Variants in VWA3A observed in about 807,000 individuals in gnomAD.
The protein encoded by VWA3A is von Willebrand factor A domain-containing protein 3A.
VWA3A carries 134 observed loss-of-function variants against 160.4 expected under a neutral mutation model. The observed-to-expected ratio is 0.84, with a 90% CI of 0.73 to 0.96. The LOEUF is 0.96. Ranked by LOEUF, VWA3A falls within the 40% of genes least tolerant of loss-of-function variation. The pLI, the probability that VWA3A is intolerant of heterozygous loss-of-function variation, is 0.00. For synonymous variants in VWA3A, 476 were observed against 543.4 expected (o/e 0.88, Z 1.72); for missense variants, 1,310 against 1,447.9 (o/e 0.90, Z 1.55).
At position 22,152,653 on chromosome 16, in the gene VWA3A, G is replaced by T; in HGVS notation, c.3405+19G>T. The T allele has an allele frequency of 6.3e-7, 1 of 1,592,668 alleles. No homozygotes were observed. The highest frequency in any genetic ancestry group is 1.1e-5 in the South Asian group (1 of 87,600). ...TGAAAAGGTAGGTTGCAGAGCCACT[G>T]AGCATGAGGTCTGTTGAAACGGCTC... On this transcript the variant is annotated intron_variant, in intron 31 of 33. Transcript: ENST00000389398.
At position 22,097,471 on chromosome 16, in the gene VWA3A, C is replaced by T; in HGVS notation, c.102-101C>T. The T allele has an allele frequency of 9.7e-6, 14 of 1,444,044 alleles. No homozygotes were observed. In the South Asian group the frequency reaches 2.0e-4, roughly 20 times the overall value. The allele number at this position is 1,444,044 out of a possible 1,614,324, so 89.5% of individuals were successfully genotyped here. A position where few individuals can be genotyped will look rare whatever the true frequency, so the allele number is the denominator to read the frequency against. On this transcript the variant is annotated intron_variant, in intron 2 of 33. Transcript: ENST00000389398. ...TCAGTTACTGCACAGAAAAATGTTT[C>T]TAGAATCCTTGTAGGGACTAGGGCA...
chr16:22,135,290 CT>C (rs1177166219), intron 21 of VWA3A, among the ~76,000 whole-genome samples: 2 of 152,132 alleles, frequency 1.3e-5, no homozygotes, highest in Non-Finnish European at 2.9e-5. Flanking sequence ...CATTCCTTGG[CT>C]TGAGGAGCAT....
At chr16:22,134,136 T>A (rs982071331) in intron 20 of VWA3A, among the ~76,000 whole-genome samples, 7 of 152,088 alleles carry the variant, frequency 4.6e-5, no homozygotes, top group African/African-American at 7.2e-5. Flanking sequence ...GTTAATTTTT[T>A]AAATTTTTTT....
At chr16:22,146,904 T>C (rs993044785) in intron 27 of VWA3A, among the ~76,000 whole-genome samples, 1 of 152,198 alleles carries the variant, frequency 6.6e-6, no homozygotes, top group Non-Finnish European at 1.5e-5. Flanking sequence ...CTGCCACACC[T>C]TGCCTTCCTG....
chr16:22,103,458 T>C lies in VWA3A; in HGVS notation c.429-17T>C, dbSNP rs1375000628. ...GACGCTGGCCTTGGGTGATGAGTCT[T>C]TCTGATGTCTTGACAGCACTATTGA... On this transcript the variant is annotated splice_polypyrimidine_tract_variant and intron_variant, in intron 5 of 33. Coordinates refer to ENST00000389398, the MANE Select transcript of VWA3A (RefSeq NM_173615.5). The C allele has an allele frequency of 1.3e-6, 2 of 1,551,454 alleles. No homozygotes were observed. The highest frequency in any genetic ancestry group is 2.7e-5 in the African/African-American group (2 of 73,144).
At chr16:22,139,368 C>A (rs936477438) in intron 22 of VWA3A, among the ~76,000 whole-genome samples, 1 of 152,168 alleles carries the variant, frequency 6.6e-6, no homozygotes, top group African/African-American at 2.4e-5. Context: ...ACACTCCAGT[C>A]GTGGCTGAGA....
chr16:22,115,879 A>AAGGAAGGAAGGAAGGAAGGAAGGAAGGG (rs2045625205), intron 9 of VWA3A, among the ~76,000 whole-genome samples: 1 of 23,728 alleles, frequency 4.2e-5, no homozygotes, highest in Non-Finnish European at 6.5e-5. Context: ...GGAAGGAAGG[A>AAGGAAGGAAGGAAGGAAGGAAGGAAGGG]AGGAAGGAAG....
intron 6 of VWA3A, among the ~76,000 whole-genome samples, chr16:22,109,141 A>T (rs1038014541): frequency 2.0e-5 from 3 of 152,242 alleles, no homozygotes; most frequent in African/African-American, 7.2e-5. Context: ...CAGATAAGCT[A>T]ATATAAATAG....
intron 27 of VWA3A, among the ~76,000 whole-genome samples, chr16:22,147,858 C>CT (rs781549115): frequency 2.0e-5 from 3 of 152,202 alleles, no homozygotes; most frequent in Non-Finnish European, 2.9e-5. Context: ...AATCACTTAA[C>CT]TTTAAGGATA....
At chr16:22,145,365 G>T (rs1382028351) in intron 26 of VWA3A, among the ~76,000 whole-genome samples, 2 of 152,084 alleles carry the variant, frequency 1.3e-5, no homozygotes, top group Non-Finnish European at 2.9e-5. Context: ...TTGGCCAGAC[G>T]CAGTGGCTCA....
At position 22,109,427 on chromosome 16, in the gene VWA3A, G is replaced by A. The variant is rs1372189561; in HGVS notation, c.484-55G>A. On this transcript the variant is annotated intron_variant, in intron 6 of 33. Transcript: ENST00000389398. Reference sequence around the variant, plus strand: ...ACTGCGTGGCACAGAGCAGCTCAGTGTAGGAGACACACAGACTTGCACTGG... The same window carrying A: ...ACTGCGTGGCACAGAGCAGCTCAGTATAGGAGACACACAGACTTGCACTGG... 4 of 1,428,592 alleles carry A rather than the reference G, an allele frequency of 2.8e-6. No homozygotes were observed. In the African/African-American group the frequency reaches 5.7e-5, roughly 20 times the overall value. 88.5% of individuals were successfully genotyped at this position (1,428,592 alleles called of 1,614,324 possible). A position where few individuals can be genotyped will look rare whatever the true frequency, so the allele number is the denominator to read the frequency against.
At chr16:22,141,197 T>C (rs1317323059) in intron 23 of VWA3A, 12 of 469,232 alleles carry the variant, frequency 2.6e-5, no homozygotes, top group Non-Finnish European at 5.1e-5. Flanking sequence ...ATTTCTAATG[T>C]CAAAGGTATG....
intron 16 of VWA3A, among the ~76,000 whole-genome samples, chr16:22,124,572 TTATTAG>T (rs2045809137): frequency 7.2e-6 from 1 of 139,378 alleles, no homozygotes; most frequent in African/African-American, 2.9e-5. Flanking sequence ...ATTATTATTA[TTATTAG>T]AGACAGAGTC....
At chr16:22,128,921 G>A (rs1236850386) in intron 17 of VWA3A, among the ~76,000 whole-genome samples, 1 of 152,102 alleles carries the variant, frequency 6.6e-6, no homozygotes, top group African/African-American at 2.4e-5. Flanking sequence ...ACACACTGGA[G>A]CCTATTGGAG....
chr16:22,148,096 G>T, intron 27 of VWA3A, 66 bp from the exon 28 acceptor site: 1 of 1,498,802 alleles, frequency 6.7e-7, no homozygotes. Context: ...ATAGAGTGAG[G>T]GAAACCACCC....
At chr16:22,128,416 T>C (rs1337964673) in intron 17 of VWA3A, among the ~76,000 whole-genome samples, 3 of 152,038 alleles carry the variant, frequency 2.0e-5, no homozygotes, top group Non-Finnish European at 2.9e-5. Flanking sequence ...GAATGCCATA[T>C]TAAAGTCAAA....
intron 20 of VWA3A, among the ~76,000 whole-genome samples, chr16:22,133,827 T>TA (rs2045991945): frequency 6.6e-6 from 1 of 151,964 alleles, no homozygotes; most frequent in African/African-American, 2.4e-5. Context: ...ACAAAAAAAT[T>TA]AAAAATTAAA....
At chr16:22,153,073 C>G (rs550848757) in intron 31 of VWA3A, among the ~76,000 whole-genome samples, 2 of 152,042 alleles carry the variant, frequency 1.3e-5, no homozygotes, top group African/African-American at 4.8e-5. Context: ...AAGCTGGGCA[C>G]GGTGGTTCAC....
intron 11 of VWA3A, among the ~76,000 whole-genome samples, chr16:22,117,438 T>G (rs951150434): frequency 6.6e-6 from 1 of 152,184 alleles, no homozygotes; most frequent in Non-Finnish European, 1.5e-5. Flanking sequence ...CCCAGAGGCC[T>G]TTTAAAGCCC....
Sources: allele counts gnomAD v4.1 joint callset (sites outside exome capture counted in the v4.1 genomes callset), GRCh38; gene constraint gnomAD v4.1.1; transcripts MANE v1.5; gene names NCBI Gene and HGNC (gene_info 2026-07-23, HGNC 2026-07-21).